The following RBFOX1 variants were observed in gnomAD, a reference collection of about 807,000 sequenced individuals.
RBFOX1 encodes the protein RNA binding fox-1 homolog 1.
RBFOX1 carries 8 observed loss-of-function variants against 57.7 expected under a neutral mutation model. That is an observed-to-expected ratio of 0.14 (90% CI 0.08 to 0.25). The LOEUF is 0.25. Among genes scored for constraint, RBFOX1 ranks in the 10% least tolerant of loss-of-function variants. RBFOX1 has a pLI of 1.00. For synonymous variants in RBFOX1, 326 were observed against 222.4 expected (o/e 1.47, Z -4.15); for missense variants, 611 against 548.5 (o/e 1.11, Z -1.14).
chr16:6,894,645 A>G (rs1013123274), intron 3 of RBFOX1, among the ~76,000 whole-genome samples: 1 of 152,224 alleles, frequency 6.6e-6, no homozygotes, highest in Non-Finnish European at 1.5e-5. Context: ...CTCTCACTTT[A>G]TAACAGCAGG....
intron 3 of RBFOX1, among the ~76,000 whole-genome samples, chr16:6,808,845 C>T (rs560029365): frequency 2.0e-5 from 3 of 152,110 alleles, no homozygotes; most frequent in Admixed American, 1.3e-4. Context: ...CTACCTCTTA[C>T]CAAGGGAATA....
At chr16:7,277,454 A>G (rs901282101) in intron 4 of RBFOX1, among the ~76,000 whole-genome samples, 1 of 152,212 alleles carries the variant, frequency 6.6e-6, no homozygotes, top group Non-Finnish European at 1.5e-5. Context: ...AGCTATTCTA[A>G]TAATCAAAGC....
At chr16:5,573,657 G>T (rs372705145) in intron 2 of RBFOX1, among the ~76,000 whole-genome samples, 16 of 152,164 alleles carry the variant, frequency 1.1e-4, no homozygotes, top group African/African-American at 3.6e-4. Flanking sequence ...GGCATCCCAA[G>T]GCTCCTCTCT....
At chr16:5,507,670 G>A (rs1298169690) in intron 2 of RBFOX1, among the ~76,000 whole-genome samples, 2 of 152,196 alleles carry the variant, frequency 1.3e-5, no homozygotes, top group Non-Finnish European at 2.9e-5. Context: ...ATACTGGAGT[G>A]GGGTGGGTCT....
chr16:7,456,050 C>T (rs1214793051), intron 4 of RBFOX1, among the ~76,000 whole-genome samples: 1 of 152,112 alleles, frequency 6.6e-6, no homozygotes, highest in Non-Finnish European at 1.5e-5. Flanking sequence ...CTTTGAAGAG[C>T]CCCGCATGTG....
At chr16:7,154,686 TGTGTGTGTG>T (rs2076742161) in intron 4 of RBFOX1, among the ~76,000 whole-genome samples, 1 of 1,214 alleles carries the variant, frequency 8.2e-4, no homozygotes, top group African/African-American at 3.5e-3. Context: ...CCTCTTCCTT[TGTGTGTGTG>T]TGTGTGTGTG....
chr16:7,666,692 G>C (rs1450161012), intron 13 of RBFOX1, among the ~76,000 whole-genome samples: 1 of 152,138 alleles, frequency 6.6e-6, no homozygotes, highest in Non-Finnish European at 1.5e-5. Context: ...CTGCATCAGA[G>C]AATCCACAGA....
At chr16:5,699,067 A>T (rs2151477670) in intron 3 of RBFOX1, among the ~76,000 whole-genome samples, 1 of 147,516 alleles carries the variant, frequency 6.8e-6, no homozygotes, top group African/African-American at 2.5e-5. Flanking sequence ...GGCTCACTGC[A>T]ACCTCCATCT....
chr16:7,508,275 G>T (rs1365188542), intron 4 of RBFOX1, among the ~76,000 whole-genome samples: 1 of 152,144 alleles, frequency 6.6e-6, no homozygotes, highest in Non-Finnish European at 1.5e-5. Flanking sequence ...ACCGCGCCCG[G>T]CCAGTTGTTT....
At chr16:7,634,514 G>GAAAAT (rs1397813514) in intron 11 of RBFOX1, among the ~76,000 whole-genome samples, 4 of 151,996 alleles carry the variant, frequency 2.6e-5, no homozygotes, top group African/African-American at 9.7e-5. Flanking sequence ...AGTCTGTAAT[G>GAAAAT]AAAATAATTC....
intron 3 of RBFOX1, among the ~76,000 whole-genome samples, chr16:6,716,835 T>C (rs928136883): frequency 2.6e-5 from 4 of 152,184 alleles, no homozygotes; most frequent in Non-Finnish European, 5.9e-5. Context: ...GTGTTGACAT[T>C]ATGTGAGTGT....
At chr16:5,506,838 C>A (rs1182890031) in intron 2 of RBFOX1, among the ~76,000 whole-genome samples, 1 of 152,110 alleles carries the variant, frequency 6.6e-6, no homozygotes, top group South Asian at 2.1e-4. Context: ...GGGGTCTAAA[C>A]TCTTCTCCAG....
At chr16:6,886,435 GC>G (rs1329352789) in intron 3 of RBFOX1, among the ~76,000 whole-genome samples, 2 of 151,944 alleles carry the variant, frequency 1.3e-5, no homozygotes, top group Non-Finnish European at 2.9e-5. Context: ...GCTATTGATT[GC>G]AAAGGCATTC....
chr16:6,729,666 C>T (rs1032446091), intron 3 of RBFOX1, among the ~76,000 whole-genome samples: 1 of 152,006 alleles, frequency 6.6e-6, no homozygotes, highest in Non-Finnish European at 1.5e-5. Context: ...AGACTTGCAA[C>T]CCTTAATATA....
At chr16:6,880,483 T>C (rs1211689367) in intron 3 of RBFOX1, among the ~76,000 whole-genome samples, 4 of 152,162 alleles carry the variant, frequency 2.6e-5, no homozygotes, top group Non-Finnish European at 5.9e-5. Flanking sequence ...GGTGGACAAA[T>C]GATGCAAAAG....
chr16:6,091,581 G>A (rs1234060017), intron 1 of RBFOX1, among the ~76,000 whole-genome samples: 1 of 152,180 alleles, frequency 6.6e-6, no homozygotes, highest in Non-Finnish European at 1.5e-5. Flanking sequence ...TGTAATCCCA[G>A]GACTTTTGAA....
At chr16:6,830,370 T>C (rs545617344) in intron 3 of RBFOX1, among the ~76,000 whole-genome samples, 18 of 152,354 alleles carry the variant, frequency 1.2e-4, no homozygotes, top group African/African-American at 3.8e-4. Context: ...CACTTTTTTT[T>C]TCCAGTTTAT....
intron 4 of RBFOX1, among the ~76,000 whole-genome samples, chr16:7,069,201 T>C (rs2056809208): frequency 6.6e-6 from 1 of 152,228 alleles, no homozygotes; most frequent in African/African-American, 2.4e-5. Flanking sequence ...TTTTTAATTA[T>C]TGTTTTTTAA....
intron 2 of RBFOX1, among the ~76,000 whole-genome samples, chr16:5,595,965 T>A (rs2047167362): frequency 6.6e-6 from 1 of 152,140 alleles, no homozygotes; most frequent in African/African-American, 2.4e-5. Flanking sequence ...ATTGAGTTGG[T>A]ACCATCTTCT....
Sources: allele counts gnomAD v4.1 joint callset (sites outside exome capture counted in the v4.1 genomes callset), GRCh38; gene constraint gnomAD v4.1.1; transcripts MANE v1.5; gene names NCBI Gene and HGNC (gene_info 2026-07-23, HGNC 2026-07-21).